The following HOXC6 variants were observed in gnomAD, a reference collection of about 807,000 sequenced individuals.
HOXC6 encodes the protein homeobox protein Hox-C6.
HOXC6 carries 10 observed loss-of-function variants against 24.0 expected under a neutral mutation model. That is an observed-to-expected ratio of 0.42 (90% CI 0.26 to 0.71). The LOEUF (loss-of-function observed/expected upper bound fraction) is 0.71, where lower values mean the gene tolerates loss of function less well. Ranked by LOEUF, HOXC6 falls within the 30% of genes least tolerant of loss-of-function variation. HOXC6 has a pLI of 0.28. For missense variants in HOXC6, 258 were observed against 303.4 expected (o/e 0.85, Z 1.11); for synonymous variants, 123 against 128.1 (o/e 0.96, Z 0.27).
upstream of HOXC6, among the ~76,000 whole-genome samples, chr12:54,026,973 G>GGA (rs1555185058): frequency 2.3e-4 from 33 of 140,692 alleles, no homozygotes; most frequent in African/African-American, 7.5e-4. Context: ...GTGGGGGGGG[G>GGA]GGGATATGAG....
intron 1 of HOXC6, chr12:54,019,920 G>T: frequency 6.6e-6 from 1 of 152,130 alleles, no homozygotes. Context: ...CAAGACAGAG[G>T]CAAGCAGAGA....
At chr12:54,020,341 C>T (rs527690942) in intron 1 of HOXC6, 10 of 151,788 alleles carry the variant, frequency 6.6e-5, no homozygotes, top group East Asian at 1.9e-4. Context: ...GGCTTGCCTG[C>T]CCCCCTTATA....
In HOXC6 at chr12:54,028,532, A is replaced by C; in HGVS notation, c.11A>C (p.Tyr4Ser). 6.2e-7 allele frequency: 1 copy of C among 1,613,746 alleles called. No individual in the cohort carries two copies. Among genetic ancestry groups the C allele is most frequent in the South Asian group, 1.1e-5 (1 of 91,030 alleles). ...GGTAAAGGCAAAGGGATGAATTCCT[A>C]CTTCACTAACCCTTCCTTATCCTGC... MNS[Y>S]FTNPSLSCHL... The change falls in exon 1 of 2, where the codon TAC becomes TCC. Residue 4 changes from tyrosine (Y) to serine (S), a missense_variant. Physicochemically the swap from Tyr to Ser is moderately radical, Grantham distance 144. Coordinates refer to ENST00000243108, the MANE Select transcript of HOXC6 (RefSeq NM_004503.4).
In HOXC6 at chr12:54,030,022, C is replaced by T; in HGVS notation, c.*60C>T. The T allele has an allele frequency of 7.3e-6, 10 of 1,375,644 alleles. No individual in the cohort carries two copies. In the South Asian group the frequency reaches 1.3e-4, roughly 18 times the overall value. The allele number at this position is 1,375,644 out of a possible 1,614,324, so 85.2% of individuals were successfully genotyped here. A position where few individuals can be genotyped will look rare whatever the true frequency, so the allele number is the denominator to read the frequency against. On this transcript the variant is annotated 3_prime_UTR_variant, in exon 2 of 2. Coordinates refer to ENST00000243108, the MANE Select transcript of HOXC6 (RefSeq NM_004503.4). The stretch of plus-strand genomic sequence containing the variant: ...TCCCTCGCTCCCCACCAACTCTCCC[C>T]TAATCACACACTCTGTATTTATCAC...
In HOXC6 at chr12:54,029,869, T is replaced by A; in HGVS notation, c.615T>A (p.Thr205=). ...KWKKESNLTS[T]LSGGGGGATA... is the part of the protein sequence containing the mutation. ...AAAAAGAATCTAATCTCACATCCAC[T>A]CTCTCGGGGGGCGGCGGAGGGGCCA... Residue 205 remains threonine (T), a synonymous_variant, in exon 2 of 2, where the codon ACT becomes ACA. Transcript: ENST00000243108. The A allele has an allele frequency of 6.2e-7, 1 of 1,609,640 alleles. No individual in the cohort carries two copies. Among genetic ancestry groups the A allele is most frequent in the Non-Finnish European group, 8.5e-7 (1 of 1,177,510 alleles).
In HOXC6 at chr12:54,030,701, G is replaced by A. The variant is rs1160374878; in HGVS notation, c.*739G>A. On this transcript the variant is annotated 3_prime_UTR_variant, in exon 2 of 2. Transcript: ENST00000243108. The stretch of plus-strand genomic sequence containing the variant: ...GAGAGAAAAAAAGTGAATGACGTTT[G>A]TTTAGCCAGTAGGAGAAAATAAATA... The A allele has an allele frequency of 6.6e-6, 1 of 152,648 alleles. No individual in the cohort carries two copies. Among genetic ancestry groups the A allele is most frequent in the African/African-American group, 2.4e-5 (1 of 41,466 alleles). 9.5% of individuals were successfully genotyped at this position (152,648 alleles called of 1,614,324 possible).
intron 1 of HOXC6, among the ~76,000 whole-genome samples, chr12:54,018,248 C>T (rs111916365): frequency 0.023 from 3,494 of 152,352 alleles, 68 homozygotes; most frequent in Non-Finnish European, 0.037. Context: ...GTCCGGCGCC[C>T]CTCACCCCCA....
intron 1 of HOXC6, 134 bp from the exon 2 acceptor site, chr12:54,029,521 G>T (rs1041274442): frequency 3.5e-6 from 3 of 867,670 alleles, no homozygotes; most frequent in Non-Finnish European, 3.5e-6. Context: ...CAAGGCAAAA[G>T]GGAGAAGGCT....
chr12:54,028,877 G>A lies in HOXC6; in HGVS notation c.356G>A (p.Ser119Asn). The A allele has an allele frequency of 6.2e-7, 1 of 1,613,620 alleles. No individual in the cohort carries two copies. The highest frequency in any genetic ancestry group is 8.5e-7 in the Non-Finnish European group (1 of 1,180,042). Residue 119 changes from serine to asparagine, a missense_variant, in exon 1 of 2, where the codon AGT (serine) becomes AAT (asparagine). Transcript: ENST00000243108. The part of the protein sequence containing the change: ...GRTAPQDQKA[S>N]IQIYPWMQRM... ...ACTGCGCCCCAGGACCAGAAAGCCA[G>A]TATCCAGATTTACCCCTGGATGCAG...
chr12:54,017,982 A>C (rs765366292), intron 1 of HOXC6, among the ~76,000 whole-genome samples: 1 of 152,184 alleles, frequency 6.6e-6, no homozygotes, highest in South Asian at 2.1e-4. Context: ...GCCGCCGAGC[A>C]GGAAGCCGGC....
upstream of HOXC6, among the ~76,000 whole-genome samples, chr12:54,026,515 TG>T (rs1427806569): frequency 1.3e-5 from 2 of 152,238 alleles, no homozygotes; most frequent in Non-Finnish European, 2.9e-5. Flanking sequence ...TTCATTTCCT[TG>T]GGGAGAAGAA....
chr12:54,026,112 C>T (rs1940685294), upstream of HOXC6, among the ~76,000 whole-genome samples: 1 of 152,144 alleles, frequency 6.6e-6, no homozygotes. Context: ...AGCAATCTCT[C>T]TCTGAAATTG....
At chr12:54,027,523 A>G (rs1940773146), upstream of HOXC6, among the ~76,000 whole-genome samples, 2 of 152,228 alleles carry the variant, frequency 1.3e-5, no homozygotes, top group Non-Finnish European at 2.9e-5. Context: ...ACAGGAGTTG[A>G]TGTCTCTAGA....
upstream of HOXC6, among the ~76,000 whole-genome samples, chr12:54,027,403 A>G (rs1940769407): frequency 6.6e-6 from 1 of 152,202 alleles, no homozygotes. Context: ...AGCCTGCAGG[A>G]AGCTAACTGT....
upstream of HOXC6, among the ~76,000 whole-genome samples, chr12:54,023,741 G>A (rs894738): frequency 0.29 from 44,643 of 152,052 alleles, 7,381 homozygotes; most frequent in East Asian, 0.44. Context: ...TTCTCTCCAT[G>A]CCTAAACTTT....
intron 1 of HOXC6, among the ~76,000 whole-genome samples, chr12:54,029,238 G>A (rs531429089): frequency 6.6e-6 from 1 of 152,364 alleles, no homozygotes; most frequent in Admixed American, 6.5e-5. Flanking sequence ...GGAGAAGGGA[G>A]GGGGAGAGGA....
At position 54,029,935 on chromosome 12, in the gene HOXC6, G is replaced by C; in HGVS notation, c.681G>C (p.Glu227Asp). 6.3e-7 allele frequency: 1 copy of C among 1,594,244 alleles called. No individual in the cohort carries two copies. The highest frequency in any genetic ancestry group is 1.1e-5 in the South Asian group (1 of 89,212). Residue 227 changes from glutamate (E) to aspartate (D), a missense_variant, in exon 2 of 2, where the codon GAG (glutamate) becomes GAC (aspartate). Transcript: ENST00000243108. ...GCGGAAAAGAGGAAAAGCGGGAAGA[G>C]ACAGAAGAGGAGAAGCAGAAAGAGT... Reference protein sequence around the residue: ...SLGGKEEKREETEEEKQKE With the variant: ...SLGGKEEKREDTEEEKQKE
At chr12:54,023,933 T>C (rs1204107428), upstream of HOXC6, among the ~76,000 whole-genome samples, 2 of 152,226 alleles carry the variant, frequency 1.3e-5, no homozygotes, top group Non-Finnish European at 2.9e-5. Flanking sequence ...CTCTTTGCGA[T>C]CTGATCCTTT....
At chr12:54,018,105 C>A (rs1193978855) in intron 1 of HOXC6, among the ~76,000 whole-genome samples, 7 of 148,856 alleles carry the variant, frequency 4.7e-5, no homozygotes, top group Non-Finnish European at 8.9e-5. Context: ...CGCCCCCACT[C>A]GGGCGGATGG....
Sources: gnomAD v4.1 joint callset for allele counts (sites outside exome capture counted in the v4.1 genomes callset) on GRCh38, gnomAD v4.1.1 for gene constraint, MANE v1.5 for transcripts, NCBI Gene and HGNC (gene_info 2026-07-23, HGNC 2026-07-21) for gene names.